Variants in NSD1 observed in about 807,000 individuals in gnomAD.
NSD1 encodes histone-lysine N-methyltransferase, H3 lysine-36 specific.
A neutral mutation model predicts 242.7 loss-of-function variants in NSD1; 26 were observed. The ratio of observed to expected loss-of-function variants is 0.11; its 90% CI spans 0.08 to 0.15. The LOEUF is 0.15. Ranked by LOEUF, NSD1 falls within the 10% of genes least tolerant of loss-of-function variation. The pLI is 1.00. For missense variants in NSD1, 2,495 were observed against 3,272.8 expected (o/e 0.76, Z 5.80); for synonymous variants, 1,106 against 1,178.1 (o/e 0.94, Z 1.25).
rs1207013860 is a variant in NSD1, at chr5:177,161,339, C to G, written c.927+25309C>G. On this transcript the variant is annotated intron_variant, in intron 2 of 22. Transcript: ENST00000439151. Reference sequence around the variant, plus strand: ...CAGGCTGCAGTGAGCTCTGATTATGCACTCCAGCCTGGGTGACAGAGTGAG... The same window carrying G: ...CAGGCTGCAGTGAGCTCTGATTATGGACTCCAGCCTGGGTGACAGAGTGAG... Among the ~76,000 whole-genome samples, 8 of 151,842 alleles carry G rather than the reference C, an allele frequency of 5.3e-5. No individual in the cohort carries two copies. The East Asian group carries it at 1.5e-3, about 29-fold the overall frequency.
At position 177,210,830 on chromosome 5, in the gene NSD1, A is replaced by G. The variant is rs1322656896; in HGVS notation, c.2431A>G (p.Ser811Gly). The G allele has an allele frequency of 6.2e-7, 1 of 1,614,228 alleles. No individual in the cohort carries two copies. The highest frequency in any genetic ancestry group is 8.5e-7 in the Non-Finnish European group (1 of 1,180,032). The change falls in exon 5 of 23, where the codon AGT becomes GGT. Residue 811 changes from serine (S) to glycine (G), a missense_variant. Physicochemically the swap from Ser to Gly is moderately conservative, Grantham distance 56. This residue lies in a region of NSD1 where 515 missense variants were observed against 467.0 expected (regional missense o/e 1.10). Coordinates refer to ENST00000439151, the MANE Select transcript of NSD1 (RefSeq NM_022455.5). The stretch of plus-strand genomic sequence containing the variant: ...ACCCCCAGTTATAAATGAGGAGTGC[A>G]GTTTGAAATGCTGCTCTTCTGATAC... ...AEPPVINEEC[S>G]LKCCSSDTKG...
chr5:177,220,249 T>C (rs1369214391), intron 5 of NSD1, among the ~76,000 whole-genome samples: 2 of 152,220 alleles, frequency 1.3e-5, no homozygotes, highest in Non-Finnish European at 2.9e-5. Flanking sequence ...GCAAGTGTTA[T>C]AGCTTCCTGA....
chr5:177,222,945 G>A (rs1764350746), intron 5 of NSD1, among the ~76,000 whole-genome samples: 1 of 152,086 alleles, frequency 6.6e-6, no homozygotes, highest in South Asian at 2.1e-4. Flanking sequence ...TGGTTATGAG[G>A]ATTTACCCTA....
intron 5 of NSD1, among the ~76,000 whole-genome samples, chr5:177,217,460 A>G (rs1763865775): frequency 6.6e-6 from 1 of 152,006 alleles, no homozygotes; most frequent in South Asian, 2.1e-4. Context: ...TTCCCTATTT[A>G]TTGCCTAATT....
At chr5:177,154,295 A>G (rs748529698) in intron 2 of NSD1, among the ~76,000 whole-genome samples, 4 of 152,102 alleles carry the variant, frequency 2.6e-5, no homozygotes, top group Non-Finnish European at 4.4e-5. Flanking sequence ...TAGGGAAGGG[A>G]TTACACAAAG....
chr5:177,174,672 C>G (rs1190187279), intron 2 of NSD1, among the ~76,000 whole-genome samples: 1 of 151,016 alleles, frequency 6.6e-6, no homozygotes, highest in African/African-American at 2.4e-5. Context: ...AATTCTTCTG[C>G]CTCAGCCTCC....
rs1760502115 is a variant in NSD1 at position 177,300,034 on chromosome 5, G to A, written c.*4575G>A. 3 of 224,938 alleles carry A rather than the reference G, an allele frequency of 1.3e-5. No individual in the cohort carries two copies. Among genetic ancestry groups the A allele is most frequent in the Middle Eastern group, 1.3e-3 (1 of 786 alleles). 13.9% of individuals were successfully genotyped at this position (224,938 alleles called of 1,614,324 possible). On this transcript the variant is annotated 3_prime_UTR_variant, in exon 23 of 23. Coordinates refer to ENST00000439151, the MANE Select transcript of NSD1 (RefSeq NM_022455.5). ...AAAGGGGTCGGGGGGATCAGCCAAG[G>A]TCCATCATTGCTTTTTTGCCGCGCC...
At chr5:177,224,932 C>CTAT (rs1764520620) in intron 5 of NSD1, among the ~76,000 whole-genome samples, 1 of 151,830 alleles carries the variant, frequency 6.6e-6, no homozygotes, top group Non-Finnish European at 1.5e-5. Context: ...CCCCTTTATT[C>CTAT]TATCCATATG....
Position 177,284,579 on chromosome 5 carries a change from G to A in NSD1, c.6151+651G>A, listed in dbSNP as rs574819528. On this transcript the variant is annotated intron_variant, in intron 20 of 22. Coordinates refer to ENST00000439151, the MANE Select transcript of NSD1 (RefSeq NM_022455.5). ...TGGGATTACAGGCATGAGCCACCTC[G>A]CTTAGCTTGGCTCATTTCTTTTAGC... Among the ~76,000 whole-genome samples the A allele has an allele frequency of 4.6e-5, 7 of 152,260 alleles. No homozygotes were observed. In the South Asian group the frequency reaches 1.4e-3, roughly 32 times the overall value.
At chr5:177,231,579 C>A (rs1055912852) in intron 5 of NSD1, among the ~76,000 whole-genome samples, 2 of 152,056 alleles carry the variant, frequency 1.3e-5, no homozygotes, top group African/African-American at 4.8e-5. Context: ...AGGCATACGC[C>A]ACTACACAAT....
In NSD1 at chr5:177,135,263, A is replaced by C. The variant is rs1216715825; in HGVS notation, c.160A>C (p.Ser54Arg). ...GTGTACTATGCAGTTATCGACTGTC[A>C]GTGGAACATCCCAAAATGCTTATGG... ...NGCTMQLSTV[S>R]GTSQNAYGQD... The change falls in exon 2 of 23, where the codon AGT becomes CGT. Residue 54 changes from serine (S) to arginine (R), a missense_variant. Transcript: ENST00000439151. 6.2e-7 allele frequency: 1 copy of C among 1,613,838 alleles called. No homozygotes were observed. Among genetic ancestry groups the C allele is most frequent in the South Asian group, 1.1e-5 (1 of 91,082 alleles).
intron 14 of NSD1, chr5:177,266,441 G>A (rs1484730169): frequency 3.2e-6 from 2 of 616,588 alleles, no homozygotes; most frequent in Non-Finnish European, 3.0e-6. Flanking sequence ...AAGAGGTGGC[G>A]GTTGTGAAAC....
At chr5:177,216,334 A>AT (rs1046129051) in intron 5 of NSD1, among the ~76,000 whole-genome samples, 55 of 148,658 alleles carry the variant, frequency 3.7e-4, no homozygotes, top group Middle Eastern at 3.5e-3. Flanking sequence ...AGTTAATGTG[A>AT]TTTTTTTTTT....
At position 177,192,873 on chromosome 5, in the gene NSD1, T is replaced by A. The variant is rs560945546; in HGVS notation, c.1063+854T>A. 1.0e-3 allele frequency among the ~76,000 whole-genome samples: 157 copies of A among 152,286 alleles called. 1 individual carries two copies. The highest frequency in any genetic ancestry group is 3.7e-3 in the African/African-American group (155 of 41,566). On this transcript the variant is annotated intron_variant, in intron 3 of 22. Coordinates refer to ENST00000439151, the MANE Select transcript of NSD1 (RefSeq NM_022455.5). ...TTATTCTGTTGATGCCAGGAAGGTG[T>A]TAGGCCATTTTTCTAATGTTTACAT... is the stretch of plus-strand genomic sequence containing the variant.
intron 5 of NSD1, among the ~76,000 whole-genome samples, chr5:177,225,250 C>G (rs1434871963): frequency 1.3e-5 from 2 of 152,062 alleles, no homozygotes; most frequent in African/African-American, 2.4e-5. Flanking sequence ...TCAAGTGATT[C>G]TCCTGCCTCA....
At chr5:177,207,593 A>ATTT (rs150492535) in intron 4 of NSD1, among the ~76,000 whole-genome samples, 6,328 of 78,168 alleles carry the variant, frequency 0.081, 659 homozygotes, top group East Asian at 0.25. Flanking sequence ...ATTTATTTAA[A>ATTT]TTTTTTTTTT....
At chr5:177,267,454 A>G (rs1431393384) in intron 14 of NSD1, 108 bp from the exon 15 acceptor site, 3 of 913,882 alleles carry the variant, frequency 3.3e-6, no homozygotes, top group African/African-American at 1.7e-5. Flanking sequence ...TTTATTTAGT[A>G]TATCTTTTAG....
At chr5:177,292,217 A>G (rs984098300) in intron 22 of NSD1, 59 bp downstream of exon 22, 1 of 1,543,258 alleles carries the variant, frequency 6.5e-7, no homozygotes, top group Non-Finnish European at 8.9e-7. Flanking sequence ...TCAGGGTCTC[A>G]TGCCATTTGC....
At chr5:177,132,464 G>T (rs971776947), upstream of NSD1, among the ~76,000 whole-genome samples, 1 of 151,762 alleles carries the variant, frequency 6.6e-6, no homozygotes, top group African/African-American at 2.4e-5. The surrounding 1 kb of genome is among the most constrained non-coding windows in gnomAD (Gnocchi z 7.5). Context: ...CGCGGGAGGC[G>T]GTGCAGGGAC....
Sources: allele counts gnomAD v4.1 joint callset (sites outside exome capture counted in the v4.1 genomes callset), GRCh38; gene constraint gnomAD v4.1.1; regional missense constraint gnomAD v4.1.1; non-coding constraint Gnocchi (gnomAD v3.1); transcripts MANE v1.5; gene names NCBI Gene and HGNC (gene_info 2026-07-23, HGNC 2026-07-21).